The following ARPC5L variants were observed in gnomAD, a reference collection of about 807,000 sequenced individuals.
ARPC5L encodes the protein actin related protein 2/3 complex subunit 5 like, also known as actin-related protein 2/3 complex subunit 5-like protein.
A neutral mutation model predicts 16.9 loss-of-function variants in ARPC5L; 4 were observed. The ratio of observed to expected loss-of-function variants is 0.24; its 90% CI spans 0.12 to 0.54. The LOEUF (loss-of-function observed/expected upper bound fraction) is 0.54, where lower values mean the gene tolerates loss of function less well. Ranked by LOEUF, ARPC5L falls within the 20% of genes least tolerant of loss-of-function variation. ARPC5L has a pLI of 0.95. For missense variants in ARPC5L, 151 were observed against 201.9 expected (o/e 0.75, Z 1.53); for synonymous variants, 78 against 82.6 (o/e 0.94, Z 0.30).
Position 124,862,160 on chromosome 9 carries a change from G to C in ARPC5L, c.-1222G>C, listed in dbSNP as rs1419575124. 2.1e-6 allele frequency: 1 copy of C among 471,122 alleles called. No homozygotes were observed. Among genetic ancestry groups the C allele is most frequent in the Non-Finnish European group, 3.7e-6 (1 of 269,572 alleles). 29.2% of individuals were successfully genotyped at this position (471,122 alleles called of 1,614,324 possible). On this transcript the variant is annotated 5_prime_UTR_variant, in exon 1 of 6. Transcript: ENST00000353214. The stretch of plus-strand genomic sequence containing the variant: ...CGGCACCCCTGATAGCGAGGTCGGC[G>C]TCACGGTGTAGGCGCGCAGTTGGGG...
intron 3 of ARPC5L, among the ~76,000 whole-genome samples, chr9:124,870,647 C>T (rs1314164729): frequency 6.6e-6 from 1 of 152,192 alleles, no homozygotes; most frequent in African/African-American, 2.4e-5. Context: ...AATCCACCCT[C>T]CTTATGAAAT....
chr9:124,864,924 C>T (rs1829249468), intron 2 of ARPC5L, among the ~76,000 whole-genome samples: 1 of 152,086 alleles, frequency 6.6e-6, no homozygotes, highest in Admixed American at 6.5e-5. Flanking sequence ...TCTTCTGCCT[C>T]AGCCTCCCAG....
rs565205870 is a variant in ARPC5L at position 124,875,586 on chromosome 9, C to T, written c.399+435C>T. On this transcript the variant is annotated intron_variant, in intron 5 of 5. Transcript: ENST00000353214. ...TAAGGGCTTCCTGCCCTGGCCTCAG[C>T]CTTAGCAGGCCAGAGTGAGCAGTGG... Among the ~76,000 whole-genome samples, 152 of 152,306 alleles carry T rather than the reference C, an allele frequency of 1.0e-3. 1 individual carries two copies. Among genetic ancestry groups the T allele is most frequent in the Non-Finnish European group, 1.8e-3 (121 of 68,028 alleles).
chr9:124,874,317 G>A (rs1469582032), intron 4 of ARPC5L, among the ~76,000 whole-genome samples: 1 of 152,174 alleles, frequency 6.6e-6, no homozygotes, highest in Non-Finnish European at 1.5e-5. Context: ...CAAGAGGGAC[G>A]CTGCAGCCGA....
At chr9:124,863,760 A>G (rs1318423588) in intron 1 of ARPC5L, among the ~76,000 whole-genome samples, 1 of 152,244 alleles carries the variant, frequency 6.6e-6, no homozygotes, top group African/African-American at 2.4e-5. Context: ...ATGTCTGCCA[A>G]CCAGTAGGCA....
At chr9:124,875,233 A>C in intron 5 of ARPC5L, 82 bp downstream of exon 5, 1 of 1,488,490 alleles carries the variant, frequency 6.7e-7, no homozygotes, top group Non-Finnish European at 9.1e-7. Context: ...TTCCAGAACA[A>C]ACGTAGGACG....
chr9:124,869,219 G>T lies in ARPC5L; in HGVS notation c.-72G>T, dbSNP rs762129377. On this transcript the variant is annotated 5_prime_UTR_variant, in exon 3 of 6. Transcript: ENST00000353214. The stretch of plus-strand genomic sequence containing the variant: ...AGCCGCTTCCCGCCCCCGAGCAGGA[G>T]CCGGTGCGAGCGGAGCAGAGCCGAG... The T allele has an allele frequency of 1.5e-6, 2 of 1,370,554 alleles. No individual in the cohort carries two copies. The highest frequency in any genetic ancestry group is 1.9e-6 in the Non-Finnish European group (2 of 1,059,420). 84.9% of individuals were successfully genotyped at this position (1,370,554 alleles called of 1,614,324 possible). A position where few individuals can be genotyped will look rare whatever the true frequency, so the allele number is the denominator to read the frequency against.
chr9:124,871,942 G>T (rs1364120110), intron 3 of ARPC5L, among the ~76,000 whole-genome samples: 3 of 152,262 alleles, frequency 2.0e-5, no homozygotes, highest in African/African-American at 7.2e-5. Context: ...GGCTGGGCAG[G>T]ATTCCCTCAG....
At chr9:124,873,539 G>A in intron 3 of ARPC5L, 153 bp from the exon 4 acceptor site, 2 of 807,212 alleles carry the variant, frequency 2.5e-6, no homozygotes, top group Non-Finnish European at 4.1e-6. Flanking sequence ...TGTGCAGGCT[G>A]TAAACCGTCT....
chr9:124,864,621 G>T (rs143489330), intron 2 of ARPC5L, among the ~76,000 whole-genome samples: 1 of 152,074 alleles, frequency 6.6e-6, no homozygotes, highest in South Asian at 2.1e-4. Flanking sequence ...CTTGTGATCC[G>T]CCTGCCTTGG....
In ARPC5L at chr9:124,869,182, G is replaced by T. The variant is rs2131332939; in HGVS notation, c.-109G>T. On this transcript the variant is annotated 5_prime_UTR_variant, in exon 3 of 6. Coordinates refer to ENST00000353214, the MANE Select transcript of ARPC5L (RefSeq NM_030978.3). The stretch of plus-strand genomic sequence containing the variant: ...GCGGAGGCGGTGGAGGAGGTGCTGG[G>T]AGCAGCCGGGCAGCCGCTTCCCGCC... 2 of 1,254,266 alleles carry T rather than the reference G, an allele frequency of 1.6e-6. 1 individual carries two copies. The highest frequency in any genetic ancestry group is 6.0e-4 in the Middle Eastern group (2 of 3,352). 77.7% of individuals were successfully genotyped at this position (1,254,266 alleles called of 1,614,324 possible). A position where few individuals can be genotyped will look rare whatever the true frequency, so the allele number is the denominator to read the frequency against.
At chr9:124,865,902 C>T (rs1452992809) in intron 2 of ARPC5L, among the ~76,000 whole-genome samples, 1 of 151,574 alleles carries the variant, frequency 6.6e-6, no homozygotes, top group Non-Finnish European at 1.5e-5. Flanking sequence ...GTCACGAGTT[C>T]GAGACCAGCC....
rs1014848374 is a variant in ARPC5L, at chr9:124,877,529, C to T, written c.*589C>T. ...ATGTGGAAGGAGTAGACCTGTGTCC[C>T]TGTTGAGCCACCCCTGGGAGCGAGC... On this transcript the variant is annotated 3_prime_UTR_variant, in exon 6 of 6. Coordinates refer to ENST00000353214, the MANE Select transcript of ARPC5L (RefSeq NM_030978.3). 1.3e-5 allele frequency: 2 copies of T among 152,652 alleles called. No homozygotes were observed. The highest frequency in any genetic ancestry group is 1.3e-4 in the Admixed American group (2 of 15,282). 9.5% of individuals were successfully genotyped at this position (152,652 alleles called of 1,614,324 possible).
chr9:124,874,049 T>G (rs1588044991), intron 4 of ARPC5L, among the ~76,000 whole-genome samples: 1 of 152,304 alleles, frequency 6.6e-6, no homozygotes, highest in South Asian at 2.1e-4. Flanking sequence ...AATGGATGAA[T>G]TCGCTCACCT....
Position 124,869,128 on chromosome 9 carries a change from CG to C in ARPC5L, c.-161del, listed in dbSNP as rs1829314153. On this transcript the variant is annotated 5_prime_UTR_variant, in exon 3 of 6. Transcript: ENST00000353214. The stretch of plus-strand genomic sequence containing the variant: ...CGGCGCTTCCGGATCCGGCGGGTGC[CG>C]GAAGTGGGCGGGCGGCGGCGGCTGC... 2 of 852,666 alleles carry C rather than the reference CG, an allele frequency of 2.3e-6. No individual in the cohort carries two copies. Among genetic ancestry groups the C allele is most frequent in the Admixed American group, 8.8e-5 (2 of 22,634 alleles). The allele number at this position is 852,666 out of a possible 1,614,324, so 52.8% of individuals were successfully genotyped here. A position where few individuals can be genotyped will look rare whatever the true frequency, so the allele number is the denominator to read the frequency against.
At chr9:124,870,917 G>A (rs900524726) in intron 3 of ARPC5L, among the ~76,000 whole-genome samples, 1 of 152,242 alleles carries the variant, frequency 6.6e-6, no homozygotes, top group South Asian at 2.1e-4. Flanking sequence ...ACATCCAGGG[G>A]ATGGTCGTTT....
chr9:124,862,975 G>A (rs921226468), intron 1 of ARPC5L, among the ~76,000 whole-genome samples: 4 of 151,752 alleles, frequency 2.6e-5, no homozygotes, highest in Admixed American at 1.3e-4. Context: ...AGTCTCCCGA[G>A]TAGCTGAAAC....
At chr9:124,874,713 C>CTCTG (rs1045963090) in intron 4 of ARPC5L, among the ~76,000 whole-genome samples, 12 of 151,768 alleles carry the variant, frequency 7.9e-5, no homozygotes, top group Admixed American at 1.3e-4. Context: ...TCTCTTCTCT[C>CTCTG]TCTCTCTCTC....
At chr9:124,874,699 C>CT (rs1250627382) in intron 4 of ARPC5L, among the ~76,000 whole-genome samples, 2 of 138,792 alleles carry the variant, frequency 1.4e-5, no homozygotes, top group Admixed American at 7.2e-5. Context: ...CTCTCTCCCT[C>CT]TTTTCTCTTC....
Sources: gnomAD v4.1 joint callset for allele counts (sites outside exome capture counted in the v4.1 genomes callset) on GRCh38, gnomAD v4.1.1 for gene constraint, MANE v1.5 for transcripts, NCBI Gene and HGNC (gene_info 2026-07-23, HGNC 2026-07-21) for gene names.